The following DIPK1A variants were observed in gnomAD, a reference collection of about 807,000 sequenced individuals.
DIPK1A encodes the protein divergent protein kinase domain 1A, also known as family with sequence similarity 69 member A.
DIPK1A carries 27 observed loss-of-function variants against 40.8 expected under a neutral mutation model. That is an observed-to-expected ratio of 0.66 (90% confidence interval 0.49 to 0.91). The LOEUF (loss-of-function observed/expected upper bound fraction) is 0.91. Among genes scored for constraint, DIPK1A ranks in the 40% least tolerant of loss-of-function variants. The pLI is 0.00. For missense variants in DIPK1A, 412 were observed against 505.7 expected (o/e 0.81, Z 1.78); for synonymous variants, 166 against 171.3 (o/e 0.97, Z 0.24).
intron 1 of DIPK1A, among the ~76,000 whole-genome samples, chr1:92,923,173 C>G (rs1455966372): frequency 1.3e-5 from 2 of 152,156 alleles, no homozygotes; most frequent in African/African-American, 2.4e-5. Context: ...GAGTCTCACT[C>G]TGTTGCCCAG....
rs148722884 is a variant in DIPK1A, at chr1:92,847,804, T to C, written c.298-445A>G. Among the ~76,000 whole-genome samples the C allele has an allele frequency of 1.1e-3, 173 of 152,344 alleles. 1 individual carries two copies. Among genetic ancestry groups the C allele is most frequent in the African/African-American group, 4.1e-3 (169 of 41,592 alleles). On this transcript the variant is annotated intron_variant, in intron 3 of 4. Transcript: ENST00000370310. ...AGGCTGGGGTTCAGTGGCATAATCA[T>C]AGCTCATTGCAGCCTCAAAGTCCTG...
chr1:92,885,796 T>C (rs1648573698), intron 1 of DIPK1A, among the ~76,000 whole-genome samples: 1 of 152,160 alleles, frequency 6.6e-6, no homozygotes, highest in African/African-American at 2.4e-5. Context: ...TCCATCCTTC[T>C]TATTGAAATA....
chr1:92,945,150 A>C (rs959596579), intron 1 of DIPK1A, among the ~76,000 whole-genome samples: 6 of 152,044 alleles, frequency 3.9e-5, no homozygotes, highest in African/African-American at 1.4e-4. Flanking sequence ...AGCATGGAGG[A>C]GGGAGGTTTC....
intron 3 of DIPK1A, among the ~76,000 whole-genome samples, chr1:92,848,923 T>G (rs1687719081): frequency 6.6e-6 from 1 of 152,218 alleles, no homozygotes; most frequent in Non-Finnish European, 1.5e-5. Flanking sequence ...TAAAATGCAA[T>G]TTTCCACTGC....
chr1:92,861,396 G>A lies in DIPK1A; in HGVS notation c.190-10441C>T, dbSNP rs375044292. On this transcript the variant is annotated intron_variant, in intron 2 of 4. Transcript: ENST00000370310. Reference sequence around the variant, plus strand: ...GGCTGGAGTGCAATGGCGTGATCTCGGCTCACTGCAACCTCTGCCTCCTGG... The same window carrying A: ...GGCTGGAGTGCAATGGCGTGATCTCAGCTCACTGCAACCTCTGCCTCCTGG... Among the ~76,000 whole-genome samples, 436 of 123,682 alleles carry A rather than the reference G, an allele frequency of 3.5e-3. 2 individuals are homozygous for A. The highest frequency in any genetic ancestry group is 0.013 in the African/African-American group (405 of 32,224). 81.1% of individuals were successfully genotyped at this position (123,682 alleles called of 152,430 possible).
At chr1:92,845,978 C>T (rs894146920) in intron 4 of DIPK1A, 1 of 152,254 alleles carries the variant, frequency 6.6e-6, no homozygotes, top group African/African-American at 2.4e-5. Flanking sequence ...GCTTGGGCAC[C>T]AGGGCAAGAC....
At chr1:92,954,518 G>C (rs934490496) in intron 1 of DIPK1A, among the ~76,000 whole-genome samples, 1 of 151,452 alleles carries the variant, frequency 6.6e-6, no homozygotes, top group Non-Finnish European at 1.5e-5. Flanking sequence ...GGGACTACAG[G>C]CACATGCCAC....
At chr1:92,869,099 A>G (rs1452072694) in intron 2 of DIPK1A, among the ~76,000 whole-genome samples, 1 of 151,822 alleles carries the variant, frequency 6.6e-6, no homozygotes, top group African/African-American at 2.4e-5. Flanking sequence ...AATGGATTAT[A>G]CTTTTTATAT....
At chr1:92,840,695 G>A (rs373533532), downstream of DIPK1A, 344 of 1,251,060 alleles carry the variant, frequency 2.7e-4, no homozygotes, top group African/African-American at 2.0e-3. Context: ...TGGTTCCCAC[G>A]TGGGGCAGAC....
At chr1:92,895,231 T>C (rs922791893) in intron 1 of DIPK1A, among the ~76,000 whole-genome samples, 17 of 152,008 alleles carry the variant, frequency 1.1e-4, no homozygotes, top group African/African-American at 4.1e-4. Context: ...ATATCCCTGA[T>C]GAACATCGAT....
At chr1:92,890,249 T>C (rs1248826977) in intron 1 of DIPK1A, among the ~76,000 whole-genome samples, 1 of 152,216 alleles carries the variant, frequency 6.6e-6, no homozygotes, top group East Asian at 1.9e-4. Context: ...TATAAGATTA[T>C]GTCTTTTGCA....
rs554394585 is a variant in DIPK1A at position 92,956,195 on chromosome 1, TA to T, written c.54+5180del. Among the ~76,000 whole-genome samples, 474 of 149,904 alleles carry T rather than the reference TA, an allele frequency of 3.2e-3. 2 individuals carry two copies. Among genetic ancestry groups the T allele is most frequent in the African/African-American group, 8.7e-3 (359 of 41,060 alleles). On this transcript the variant is annotated intron_variant, in intron 1 of 4. Coordinates refer to ENST00000370310, the MANE Select transcript of DIPK1A (RefSeq NM_001006605.5). ...TCTAAAAACTTTTAAATCTTTAACT[TA>T]AAAAAAAAATCTGAGGCACTGAGAA...
At chr1:92,924,416 C>A (rs1203052707) in intron 1 of DIPK1A, among the ~76,000 whole-genome samples, 1 of 151,812 alleles carries the variant, frequency 6.6e-6, no homozygotes, top group African/African-American at 2.4e-5. Context: ...GCACCCAATT[C>A]TGTCGCTGTT....
intron 2 of DIPK1A, among the ~76,000 whole-genome samples, chr1:92,868,933 T>TAGTG (rs1647695717): frequency 6.9e-6 from 1 of 145,566 alleles, no homozygotes; most frequent in South Asian, 2.2e-4. Context: ...GCCACTGCAC[T>TAGTG]CCAGCCTGTG....
chr1:92,961,168 G>T (rs1163592340), intron 1 of DIPK1A, among the ~76,000 whole-genome samples: 2 of 150,574 alleles, frequency 1.3e-5, no homozygotes, highest in Non-Finnish European at 3.0e-5. Flanking sequence ...CGGCGCGGGA[G>T]CCGCGAGGGC....
At chr1:92,859,386 A>G (rs1688095513) in intron 2 of DIPK1A, among the ~76,000 whole-genome samples, 1 of 152,082 alleles carries the variant, frequency 6.6e-6, no homozygotes, top group South Asian at 2.1e-4. Context: ...TCAGCCATTA[A>G]AAGTGCTCAA....
At chr1:92,832,944 A>G in exon 5 of DIPK1A, 1 of 708,746 alleles carries the variant, frequency 1.4e-6, no homozygotes, top group Non-Finnish European at 2.6e-6. Context: ...AGTGGGACAT[A>G]GCGTGTTCCG....
chr1:92,837,419 G>A, downstream of DIPK1A: 1 of 1,561,600 alleles, frequency 6.4e-7, no homozygotes, highest in Non-Finnish European at 8.8e-7. Context: ...ACTAAGTTAA[G>A]TGAGTCTATA....
intron 2 of DIPK1A, among the ~76,000 whole-genome samples, chr1:92,854,916 G>A (rs1687933456): frequency 1.3e-5 from 2 of 152,156 alleles, no homozygotes; most frequent in South Asian, 4.1e-4. Flanking sequence ...AGGAGCTTGA[G>A]TGAAAGCTCC....
Sources: allele counts gnomAD v4.1 joint callset (sites outside exome capture counted in the v4.1 genomes callset), GRCh38; gene constraint gnomAD v4.1.1; transcripts MANE v1.5; gene names NCBI Gene and HGNC (gene_info 2026-07-23, HGNC 2026-07-21).